The following PRKG1 variants were observed in gnomAD, a reference collection of about 807,000 sequenced individuals.
PRKG1 encodes the protein protein kinase cGMP-dependent 1, also known as cGMP-dependent protein kinase 1.
Under a neutral mutation model 88.1 loss-of-function variants are expected in PRKG1, and 35 were observed. That is an observed-to-expected ratio of 0.40 (90% CI 0.30 to 0.53). The LOEUF is 0.53. PRKG1 is among the 20% of genes least tolerant of loss of function. PRKG1 has a pLI of 0.59. For missense variants in PRKG1, 540 were observed against 839.8 expected (o/e 0.64, Z 4.41); for synonymous variants, 303 against 292.5 (o/e 1.04, Z -0.37).
intron 1 of PRKG1, among the ~76,000 whole-genome samples, chr10:51,053,325 A>C (rs1564582745): frequency 6.6e-6 from 1 of 152,140 alleles, no homozygotes; most frequent in African/African-American, 2.4e-5. Flanking sequence ...ATAATAGTAG[A>C]GGTGTGGAGA....
At chr10:52,038,801 C>T (rs1169014128) in intron 5 of PRKG1, among the ~76,000 whole-genome samples, 1 of 152,082 alleles carries the variant, frequency 6.6e-6, no homozygotes, top group Non-Finnish European at 1.5e-5. Flanking sequence ...CCGTGACCAG[C>T]GCCGGAGTTT....
intron 8 of PRKG1, among the ~76,000 whole-genome samples, chr10:52,156,572 G>A (rs1001381434): frequency 2.0e-5 from 3 of 151,678 alleles, no homozygotes; most frequent in Admixed American, 2.0e-4. Context: ...TATGGATGTG[G>A]CTGGTTTTAT....
intron 1 of PRKG1, among the ~76,000 whole-genome samples, chr10:51,031,477 A>G (rs533060519): frequency 6.6e-6 from 1 of 152,160 alleles, no homozygotes; most frequent in African/African-American, 2.4e-5. Context: ...CTCTAAATAG[A>G]TATTATTTAT....
chr10:51,587,838 G>A lies in PRKG1; in HGVS notation c.592+120002G>A, dbSNP rs114641292. 2.6e-3 allele frequency among the ~76,000 whole-genome samples: 392 copies of A among 152,246 alleles called. 3 individuals are homozygous for A. Among genetic ancestry groups the A allele is most frequent in the African/African-American group, 8.9e-3 (368 of 41,560 alleles). ...ATGGGAATAATAAATATCTACTTCA[G>A]AGAATGATGTTTTGGGATTATGTAA... On this transcript the variant is annotated intron_variant, in intron 3 of 17. Coordinates refer to ENST00000373980, the MANE Select transcript of PRKG1 (RefSeq NM_006258.4).
chr10:52,237,875 C>A (rs1254726571), intron 9 of PRKG1, among the ~76,000 whole-genome samples: 1 of 141,272 alleles, frequency 7.1e-6, no homozygotes, highest in Non-Finnish European at 1.5e-5. Context: ...AATCCTAAGC[C>A]AAAAGAACAA....
chr10:51,386,107 T>C (rs1027193958), intron 2 of PRKG1, among the ~76,000 whole-genome samples: 18 of 152,186 alleles, frequency 1.2e-4, no homozygotes, highest in Non-Finnish European at 2.4e-4. Flanking sequence ...GTAAGTTGCA[T>C]ACACATTAGA....
chr10:52,105,774 C>T (rs1847405447), intron 7 of PRKG1, among the ~76,000 whole-genome samples: 1 of 152,004 alleles, frequency 6.6e-6, no homozygotes, highest in African/African-American at 2.4e-5. Context: ...TGTCCCTCCC[C>T]CAACTCTCTA....
At chr10:51,090,434 G>A (rs939184809) in intron 1 of PRKG1, among the ~76,000 whole-genome samples, 5 of 152,104 alleles carry the variant, frequency 3.3e-5, no homozygotes, top group Admixed American at 6.6e-5. Flanking sequence ...TGGGATAACT[G>A]TGGGCAAGAA....
chr10:51,943,937 C>A (rs1019245166), intron 5 of PRKG1, among the ~76,000 whole-genome samples: 3 of 151,800 alleles, frequency 2.0e-5, no homozygotes, highest in African/African-American at 4.9e-5. Flanking sequence ...TGTCTCTGCC[C>A]GGCTTTGGTA....
rs184098184 is a variant in PRKG1 at position 51,456,806 on chromosome 10, A to G, written c.479-10917A>G. 2.4e-4 allele frequency among the ~76,000 whole-genome samples: 37 copies of G among 152,354 alleles called. 1 individual carries two copies. Among genetic ancestry groups the G allele is most frequent in the Non-Finnish European group, 4.1e-4 (28 of 68,032 alleles). ...ATGAATAAACAATTCTCAAAAGAAT[A>G]TATACACTCTGCCAACAAACATGAA... On this transcript the variant is annotated intron_variant, in intron 2 of 17. Coordinates refer to ENST00000373980, the MANE Select transcript of PRKG1 (RefSeq NM_006258.4).
intron 1 of PRKG1, among the ~76,000 whole-genome samples, chr10:51,005,397 T>C (rs976982091): frequency 6.6e-6 from 1 of 152,238 alleles, no homozygotes; most frequent in African/African-American, 2.4e-5. Flanking sequence ...GATATCTTTG[T>C]TCGTCTCCTT....
At position 51,396,789 on chromosome 10, in the gene PRKG1, T is replaced by C. The variant is rs555373932; in HGVS notation, c.479-70934T>C. Among the ~76,000 whole-genome samples the C allele has an allele frequency of 1.0e-3, 153 of 152,362 alleles. 1 individual carries two copies. The highest frequency in any genetic ancestry group is 4.8e-3 in the South Asian group (23 of 4,826). ...ACAAGTGTGGCTAACAATAACATTTTGAACTGTTAGAAGTAGTTTGATTCC... is the reference window on the plus strand; with the variant it reads ...ACAAGTGTGGCTAACAATAACATTTCGAACTGTTAGAAGTAGTTTGATTCC... On this transcript the variant is annotated intron_variant, in intron 2 of 17. Transcript: ENST00000373980.
chr10:51,772,886 A>T (rs1429485810), intron 3 of PRKG1, among the ~76,000 whole-genome samples: 1 of 152,116 alleles, frequency 6.6e-6, no homozygotes, highest in Non-Finnish European at 1.5e-5. Flanking sequence ...TTGACAAAGA[A>T]AGTAAACATC....
chr10:51,393,115 G>C lies in PRKG1; in HGVS notation c.479-74608G>C, dbSNP rs1330794070. Among the ~76,000 whole-genome samples the C allele has an allele frequency of 9.0e-5, 10 of 111,396 alleles. No homozygotes were observed. In the South Asian group the frequency reaches 2.6e-3, roughly 29 times the overall value. The allele number at this position is 111,396 out of a possible 152,430, so 73.1% of individuals were successfully genotyped here. A position where few individuals can be genotyped will look rare whatever the true frequency, so the allele number is the denominator to read the frequency against. Reference sequence around the variant, plus strand: ...TCACTTCTCAGACGGGGCGGTTGCCGGGCGGAGGGTCTCCTCACTTCTCAG... The same window carrying C: ...TCACTTCTCAGACGGGGCGGTTGCCCGGCGGAGGGTCTCCTCACTTCTCAG... On this transcript the variant is annotated intron_variant, in intron 2 of 17. Transcript: ENST00000373980.
At position 50,991,683 on chromosome 10, in the gene PRKG1, CCCGCGGCGCAGAGGCTGGGGGCTCTGG is replaced by C. The variant is rs1220667054; in HGVS notation, c.266+48_266+74del. On this transcript the variant is annotated intron_variant, in intron 1 of 17. Transcript: ENST00000401604. The surrounding 1 kb of genome is among the most constrained non-coding windows in gnomAD (Gnocchi z 4.5). ...CCGTGGGCCCGGGCGCTCGTCCCGG[CCCGCGGCGCAGAGGCTGGGGGCTCTGG>C]CCGCGGCGGCGGGGGCGGGTCGGCC... is the stretch of plus-strand genomic sequence containing the variant. The C allele has an allele frequency of 2.2e-6, 3 of 1,393,104 alleles. No homozygotes were observed. The highest frequency in any genetic ancestry group is 1.5e-5 in the South Asian group (1 of 67,320). The allele number at this position is 1,393,104 out of a possible 1,614,324, so 86.3% of individuals were successfully genotyped here. A position where few individuals can be genotyped will look rare whatever the true frequency, so the allele number is the denominator to read the frequency against.
intron 9 of PRKG1, among the ~76,000 whole-genome samples, chr10:52,222,359 C>A (rs962209539): frequency 1.3e-5 from 2 of 152,100 alleles, no homozygotes; most frequent in Non-Finnish European, 2.9e-5. Context: ...AAAAGTCAAT[C>A]TGTAATTGAT....
chr10:51,276,293 C>T (rs1379520235), intron 2 of PRKG1, among the ~76,000 whole-genome samples: 5 of 152,200 alleles, frequency 3.3e-5, no homozygotes, highest in Non-Finnish European at 5.9e-5. Context: ...AGGACACGAA[C>T]TCATCCTTTT....
intron 3 of PRKG1, among the ~76,000 whole-genome samples, chr10:51,568,209 T>C (rs1448824588): frequency 1.3e-5 from 2 of 152,058 alleles, no homozygotes; most frequent in East Asian, 3.9e-4. Flanking sequence ...CAGAGTATTG[T>C]CCGAATGAGT....
chr10:51,384,110 T>C (rs1442052595), intron 2 of PRKG1, among the ~76,000 whole-genome samples: 1 of 152,132 alleles, frequency 6.6e-6, no homozygotes, highest in Non-Finnish European at 1.5e-5. Flanking sequence ...AAAAAATTCT[T>C]TTTCGTTTTA....
Sources: gnomAD v4.1 joint callset for allele counts (sites outside exome capture counted in the v4.1 genomes callset) on GRCh38, gnomAD v4.1.1 for gene constraint, Gnocchi (gnomAD v3.1) non-coding constraint, MANE v1.5 for transcripts, NCBI Gene and HGNC (gene_info 2026-07-23, HGNC 2026-07-21) for gene names.